Variants in USP33 observed in about 807,000 individuals in gnomAD.
The protein encoded by USP33 is ubiquitin specific peptidase 33, also known as ubiquitin carboxyl-terminal hydrolase 33.
In USP33, 46 loss-of-function variants were observed where a neutral mutation model predicts 124.2. The observed-to-expected ratio is 0.37, with a 90% confidence interval of 0.29 to 0.47. The LOEUF (loss-of-function observed/expected upper bound fraction) is 0.47. Among genes scored for constraint, USP33 ranks in the 20% least tolerant of loss-of-function variants. The pLI is 0.99. For synonymous variants in USP33, 350 were observed against 352.3 expected (o/e 0.99, Z 0.07); for missense variants, 851 against 1,070.6 (o/e 0.79, Z 2.86).
At position 77,721,853 on chromosome 1, in the gene USP33, G is replaced by C; in HGVS notation, c.1635C>G (p.Phe545Leu). The part of the protein sequence containing the change: ...VVTLQDCLAA[F>L]FARDELKGDN... ...TACCTTTTAGTTCATCTCTGGCAAA[G>C]AAGGCAGCAAGACAATCTTGCAAGG... Residue 545 changes from phenylalanine (F) to leucine (L), a missense_variant, in exon 14 of 24, where the codon TTC becomes TTG. Physicochemically the swap from Phe to Leu is conservative, Grantham distance 22 (BLOSUM62 0). Transcript: ENST00000370794. 4 of 1,608,776 alleles carry C rather than the reference G, an allele frequency of 2.5e-6. No individual in the cohort carries two copies. The highest frequency in any genetic ancestry group is 3.4e-6 in the Non-Finnish European group (4 of 1,178,830).
In USP33 at chr1:77,740,919, G is replaced by A. The variant is rs1334017646; in HGVS notation, c.156C>T (p.Gly52=). ...TGTGATCTACTTGTGATTCACCACA[G>A]CCAACATATGAACATCTATTCTATA... ...ACLENRCSYV[G]CGESQVDHST... The change falls in exon 4 of 24, where the codon GGC becomes GGT. Residue 52 remains glycine (G), a synonymous_variant. Coordinates refer to ENST00000370794, the MANE Select transcript of USP33 (RefSeq NM_201624.3). The A allele has an allele frequency of 5.1e-6, 8 of 1,564,658 alleles. No homozygotes were observed. Among genetic ancestry groups the A allele is most frequent in the Admixed American group, 1.8e-5 (1 of 55,838 alleles).
intron 21 of USP33, among the ~76,000 whole-genome samples, chr1:77,706,023 C>T (rs115272195): frequency 0.022 from 3,352 of 152,274 alleles, 44 homozygotes; most frequent in Middle Eastern, 0.068. Flanking sequence ...TTTTATTATA[C>T]AACTATAACA....
At position 77,713,149 on chromosome 1, in the gene USP33, C is replaced by G. The variant is rs74395079; in HGVS notation, c.2297+51G>C. On this transcript the variant is annotated intron_variant, in intron 20 of 23. Transcript: ENST00000370794. ...CTGAAATAATCCAAACCCCTTTTAACCAGTTTAACCGACTTTCACAACACT... is the reference window on the plus strand; with the variant it reads ...CTGAAATAATCCAAACCCCTTTTAAGCAGTTTAACCGACTTTCACAACACT... The G allele has an allele frequency of 1.5e-3, 2,128 of 1,463,070 alleles. 32 individuals carry two copies. In the African/African-American group the frequency reaches 0.026, roughly 18 times the overall value. The allele number at this position is 1,463,070 out of a possible 1,614,324, so 90.6% of individuals were successfully genotyped here. A position where few individuals can be genotyped will look rare whatever the true frequency, so the allele number is the denominator to read the frequency against.
At chr1:77,710,043 T>C (rs954695171) in intron 21 of USP33, among the ~76,000 whole-genome samples, 8 of 152,174 alleles carry the variant, frequency 5.3e-5, no homozygotes, top group African/African-American at 1.9e-4. Flanking sequence ...AATGAGAAAC[T>C]TGGTACTCAT....
intron 22 of USP33, among the ~76,000 whole-genome samples, chr1:77,700,930 G>A (rs114109478): frequency 0.042 from 6,387 of 152,076 alleles, 200 homozygotes; most frequent in Non-Finnish European, 0.064. Flanking sequence ...AACTCCTGAC[G>A]TCAGGTGATC....
chr1:77,715,945 C>T (rs1177895876), intron 17 of USP33, 77 bp from the exon 18 acceptor site: 158 of 1,442,428 alleles, frequency 1.1e-4, no homozygotes, highest in Non-Finnish European at 1.4e-4. Context: ...TTTATATTTC[C>T]AGTGCCTAGC....
intron 23 of USP33, 101 bp from the exon 24 acceptor site, chr1:77,697,575 G>C: frequency 1.5e-6 from 2 of 1,358,088 alleles, no homozygotes. Flanking sequence ...CGGGATAATT[G>C]AGAACTTCTG....
At chr1:77,711,584 A>T in intron 21 of USP33, 163 bp downstream of exon 21, 1 of 1,114,656 alleles carries the variant, frequency 9.0e-7, no homozygotes, top group Non-Finnish European at 1.2e-6. Context: ...AACTCAACAG[A>T]ACTGTAGTGA....
chr1:77,744,362 A>C (rs1357925158), intron 1 of USP33, among the ~76,000 whole-genome samples: 1 of 152,160 alleles, frequency 6.6e-6, no homozygotes. Flanking sequence ...CAGAACAAAG[A>C]TAGACTAAAT....
Position 77,736,094 on chromosome 1 carries a change from T to C in USP33, c.416A>G (p.Asp139Gly). The change falls in exon 6 of 24, where the codon GAT (aspartate) becomes GGT (glycine). Residue 139 changes from aspartate (D) to glycine (G), a missense_variant. Asp to Gly is a moderately conservative substitution (Grantham distance 94, BLOSUM62 -1). Around this residue, in one of 4 missense-constraint regions of USP33, gnomAD observed 221 missense variants for 302.9 expected, o/e 0.73. Coordinates refer to ENST00000370794, the MANE Select transcript of USP33 (RefSeq NM_201624.3). The stretch of plus-strand genomic sequence containing the variant: ...TTCATCTTCTTCATCCGCTTCTATA[T>C]CCAGATCATCAAATACGGCAACCAG... ...TPLVAVFDDL[D>G]IEADEEDELR... is the part of the protein sequence containing the mutation. 1 of 1,613,448 alleles carries C rather than the reference T, an allele frequency of 6.2e-7. No individual in the cohort carries two copies. Among genetic ancestry groups the C allele is most frequent in the Non-Finnish European group, 8.5e-7 (1 of 1,179,700 alleles).
chr1:77,729,780 T>C lies in USP33; in HGVS notation c.717+80A>G, dbSNP rs1323431773. ...CACAAGGAGTGATGACCCCAAAAGA[T>C]AAGTAGACCCAAAAAAAACATAATG... On this transcript the variant is annotated intron_variant, in intron 9 of 23. Transcript: ENST00000370794. 2.2e-6 allele frequency: 3 copies of C among 1,361,544 alleles called. No homozygotes were observed. The African/African-American group carries it at 4.3e-5, about 20-fold the overall frequency. 84.3% of individuals were successfully genotyped at this position (1,361,544 alleles called of 1,614,324 possible).
chr1:77,714,665 AGGTCTT>A lies in USP33; in HGVS notation c.2158_2163del (p.Lys720_Thr721del). 6.2e-7 allele frequency: 1 copy of A among 1,613,422 alleles called. No individual in the cohort carries two copies. The highest frequency in any genetic ancestry group is 8.5e-7 in the Non-Finnish European group (1 of 1,179,964). ...TTTGAAATAGGGCCAGGTTCGGCAA[AGGTCTT>A]AAATTTATTAAGCCACTGTCGAGAA... is the stretch of plus-strand genomic sequence containing the variant. On this transcript the variant is annotated inframe_deletion, in exon 19 of 24. Coordinates refer to ENST00000370794, the MANE Select transcript of USP33 (RefSeq NM_201624.3).
rs751348979 is a variant in USP33, at chr1:77,728,361, T to C, written c.1069A>G (p.Ile357Val). 3.1e-6 allele frequency: 5 copies of C among 1,613,380 alleles called. No homozygotes were observed. The highest frequency in any genetic ancestry group is 4.5e-5 in the East Asian group (2 of 44,868). ...TTGTTTAAGTCGACTGTTTCAGATA[T>C]AGAGTCTCTATCTTTATCAAATTCG... Reference protein sequence around the residue: ...EGEFDKDRDSISETVDLNNQE... With the variant: ...EGEFDKDRDSVSETVDLNNQE... Residue 357 changes from isoleucine (I) to valine (V), a missense_variant, in exon 10 of 24, where the codon ATA becomes GTA. This residue lies in a region of USP33 where 207 missense variants were observed against 200.9 expected (regional missense o/e 1.03). Coordinates refer to ENST00000370794, the MANE Select transcript of USP33 (RefSeq NM_201624.3).
In USP33 at chr1:77,697,879, A is replaced by G. The variant is rs1673571325; in HGVS notation, c.2562T>C (p.Asn854=). ...CAAACTTACCTTGCCTAAGCATCACATTACCACATTTAGTGACTGCAATCT... is the reference window on the plus strand; with the variant it reads ...CAAACTTACCTTGCCTAAGCATCACGTTACCACATTTAGTGACTGCAATCT... ...NTKIAVTKCG[N]VMLRQGADSG... is the part of the protein sequence containing the mutation. The change falls in exon 23 of 24, where the codon AAT becomes AAC. Residue 854 remains asparagine, a synonymous_variant. Coordinates refer to ENST00000370794, the MANE Select transcript of USP33 (RefSeq NM_201624.3). The G allele has an allele frequency of 4.3e-6, 7 of 1,610,986 alleles. No individual in the cohort carries two copies. The highest frequency in any genetic ancestry group is 5.9e-6 in the Non-Finnish European group (7 of 1,179,160).
At position 77,718,019 on chromosome 1, in the gene USP33, C is replaced by G. The variant is rs564219057; in HGVS notation, c.1766G>C (p.Arg589Thr). 3 of 1,606,928 alleles carry G rather than the reference C, an allele frequency of 1.9e-6. No individual in the cohort carries two copies. The African/African-American group carries it at 4.0e-5, about 21-fold the overall frequency. The stretch of plus-strand genomic sequence containing the variant: ...TTTGGTGGAAAACATTAGTTCATGT[C>G]TGAATCTTTTAAGGTGGATGCACAA... ...EILCIHLKRF[R>T]HELMFSTKIS... Residue 589 changes from arginine to threonine, a missense_variant, in exon 17 of 24, where the codon AGA becomes ACA. Physicochemically the swap from Arg to Thr is moderately conservative, Grantham distance 71 (BLOSUM62 -1). Coordinates refer to ENST00000370794, the MANE Select transcript of USP33 (RefSeq NM_201624.3).
chr1:77,756,968 G>T (rs1195961834), intron 1 of USP33, among the ~76,000 whole-genome samples: 1 of 152,204 alleles, frequency 6.6e-6, no homozygotes, highest in Non-Finnish European at 1.5e-5. Context: ...CACCTTCAGT[G>T]AAGTCTTTCA....
intron 1 of USP33, among the ~76,000 whole-genome samples, chr1:77,751,521 G>C (rs897880700): frequency 6.6e-6 from 1 of 152,016 alleles, no homozygotes; most frequent in Non-Finnish European, 1.5e-5. Context: ...CCCAGGCCTG[G>C]TGGCATGCCC....
intron 21 of USP33, among the ~76,000 whole-genome samples, chr1:77,705,615 TC>T (rs1318155964): frequency 2.0e-5 from 3 of 150,378 alleles, no homozygotes; most frequent in Non-Finnish European, 4.4e-5. Flanking sequence ...ATTCTCAGCC[TC>T]CCAAAGTGCT....
Position 77,704,850 on chromosome 1 carries a change from G to T in USP33, c.2407-3379C>A, listed in dbSNP as rs116727161. On this transcript the variant is annotated intron_variant, in intron 21 of 23. Coordinates refer to ENST00000370794, the MANE Select transcript of USP33 (RefSeq NM_201624.3). ...CCTGAATATCAATCATACTTCACAT[G>T]GTCTACACTCACTGCTCTACCCAGG... Among the ~76,000 whole-genome samples, 1,071 of 152,180 alleles carry T rather than the reference G, an allele frequency of 7.0e-3. 15 individuals are homozygous for T. Among genetic ancestry groups the T allele is most frequent in the African/African-American group, 0.024 (998 of 41,506 alleles).
Sources: allele counts gnomAD v4.1 joint callset (sites outside exome capture counted in the v4.1 genomes callset), GRCh38; gene constraint gnomAD v4.1.1; regional missense constraint gnomAD v4.1.1; transcripts MANE v1.5; gene names NCBI Gene and HGNC (gene_info 2026-07-23, HGNC 2026-07-21).